The following NTNG1 variants were observed in gnomAD, a reference collection of about 807,000 sequenced individuals.
NTNG1 encodes netrin G1, also known as netrin-G1.
NTNG1 carries 16 observed loss-of-function variants against 54.0 expected under a neutral mutation model. That is an observed-to-expected ratio of 0.30 (90% CI 0.20 to 0.45). The LOEUF is 0.45. NTNG1 is among the 20% of genes least tolerant of loss of function. NTNG1 has a pLI of 1.00. For missense variants in NTNG1, 530 were observed against 678.7 expected, an observed-to-expected ratio of 0.78 and a Z score of 2.43; for synonymous variants, 255 against 263.1, an observed-to-expected ratio of 0.97 and a Z score of 0.30.
chr1:107,167,820 CT>C (rs997393658), intron 2 of NTNG1, among the ~76,000 whole-genome samples: 2 of 150,666 alleles, frequency 1.3e-5, no homozygotes, highest in Non-Finnish European at 3.0e-5. Context: ...TAAAGCCATT[CT>C]TTTTTTTTCA....
intron 2 of NTNG1, among the ~76,000 whole-genome samples, chr1:107,290,063 A>T (rs1009316569): frequency 1.4e-4 from 22 of 152,162 alleles, no homozygotes; most frequent in African/African-American, 5.1e-4. Context: ...TGCCATATGT[A>T]TTTAATTTTT....
intron 3 of NTNG1, among the ~76,000 whole-genome samples, chr1:107,376,148 C>A (rs529233595): frequency 2.6e-5 from 4 of 152,152 alleles, no homozygotes; most frequent in Non-Finnish European, 5.9e-5. Context: ...AGGCTGGGCG[C>A]GGTGGCTCAC....
chr1:107,438,722 A>T (rs1288260919), intron 7 of NTNG1, among the ~76,000 whole-genome samples: 1 of 152,158 alleles, frequency 6.6e-6, no homozygotes, highest in Non-Finnish European at 1.5e-5. Context: ...AAATAAGTCA[A>T]TCCTGCTTTG....
intron 2 of NTNG1, chr1:107,260,676 C>G (rs147668140): frequency 6.6e-6 from 1 of 152,178 alleles, no homozygotes; most frequent in African/African-American, 2.4e-5. Context: ...TTGACATTCT[C>G]CCATCTAGCT....
intron 5 of NTNG1, among the ~76,000 whole-genome samples, chr1:107,419,474 G>A (rs1213999762): frequency 6.6e-6 from 1 of 151,960 alleles, no homozygotes; most frequent in East Asian, 1.9e-4. Flanking sequence ...CAGGAAGAAA[G>A]AGAACTTTTA....
chr1:107,450,828 T>A (rs17019083), intron 7 of NTNG1, among the ~76,000 whole-genome samples: 1 of 151,914 alleles, frequency 6.6e-6, no homozygotes, highest in African/African-American at 2.4e-5. Flanking sequence ...TCCTAAATCC[T>A]GGAAATTACC....
At chr1:107,450,296 G>C (rs1209741426) in intron 7 of NTNG1, among the ~76,000 whole-genome samples, 1 of 152,084 alleles carries the variant, frequency 6.6e-6, no homozygotes, top group Non-Finnish European at 1.5e-5. Flanking sequence ...CAAATATTTA[G>C]TGTTGAAAAA....
chr1:107,292,265 C>T (rs1368626926), intron 2 of NTNG1, among the ~76,000 whole-genome samples: 2 of 152,110 alleles, frequency 1.3e-5, no homozygotes, highest in African/African-American at 4.8e-5. Flanking sequence ...TTCTCGCGTC[C>T]TCAGATGAAA....
At chr1:107,176,187 T>G (rs1160190487) in intron 2 of NTNG1, among the ~76,000 whole-genome samples, 2 of 152,152 alleles carry the variant, frequency 1.3e-5, no homozygotes. Flanking sequence ...AACACCATGG[T>G]AGGAGAGATT....
At chr1:107,234,654 A>G (rs999840317) in intron 2 of NTNG1, among the ~76,000 whole-genome samples, 1 of 152,216 alleles carries the variant, frequency 6.6e-6, no homozygotes, top group African/African-American at 2.4e-5. Flanking sequence ...AAAATTACAG[A>G]AGCAATATTT....
chr1:107,386,454 G>A (rs1009383899), intron 3 of NTNG1, among the ~76,000 whole-genome samples: 16 of 152,074 alleles, frequency 1.1e-4, no homozygotes, highest in African/African-American at 3.9e-4. Context: ...GATTACAGGC[G>A]TGTGCCACCA....
At chr1:107,458,411 T>A (rs1366043661) in intron 7 of NTNG1, among the ~76,000 whole-genome samples, 2 of 152,118 alleles carry the variant, frequency 1.3e-5, no homozygotes, top group Non-Finnish European at 2.9e-5. Context: ...ATAAATAAAC[T>A]GAGAGGCAAA....
At chr1:107,167,036 A>G (rs943667141) in intron 2 of NTNG1, among the ~76,000 whole-genome samples, 1 of 152,098 alleles carries the variant, frequency 6.6e-6, no homozygotes, top group African/African-American at 2.4e-5. Flanking sequence ...ACATTCTGTA[A>G]TCCCAGCCCA....
At chr1:107,406,089 TA>T (rs1190350865) in intron 4 of NTNG1, among the ~76,000 whole-genome samples, 7 of 152,160 alleles carry the variant, frequency 4.6e-5, no homozygotes, top group Non-Finnish European at 8.8e-5. Flanking sequence ...AAAATCAAGA[TA>T]TTTTTTGTGT....
At chr1:107,417,630 G>A (rs1275000599) in intron 5 of NTNG1, among the ~76,000 whole-genome samples, 1 of 152,060 alleles carries the variant, frequency 6.6e-6, no homozygotes, top group African/African-American at 2.4e-5. Flanking sequence ...AACACTGGAA[G>A]TAACAGGTTA....
chr1:107,238,405 T>A (rs2101567141), intron 2 of NTNG1, among the ~76,000 whole-genome samples: 1 of 152,308 alleles, frequency 6.6e-6, no homozygotes, highest in South Asian at 2.1e-4. Context: ...TGTGGACTTT[T>A]GAGTTAATGC....
At chr1:107,476,544 A>G (rs190932788) in intron 7 of NTNG1, among the ~76,000 whole-genome samples, 8 of 152,272 alleles carry the variant, frequency 5.3e-5, no homozygotes, top group East Asian at 3.9e-4. Context: ...TCTTTTCTCA[A>G]TAAATTTCTT....
chr1:107,151,318 T>G (rs911380772), intron 2 of NTNG1, among the ~76,000 whole-genome samples: 1 of 152,308 alleles, frequency 6.6e-6, no homozygotes, highest in South Asian at 2.1e-4. Context: ...GTTGGGAAAC[T>G]GTCTCAGGAT....
intron 2 of NTNG1, among the ~76,000 whole-genome samples, chr1:107,209,998 T>C (rs1659497700): frequency 6.6e-6 from 1 of 152,124 alleles, no homozygotes; most frequent in African/African-American, 2.4e-5. Flanking sequence ...TTAAATGTTC[T>C]CTAAAGGAGG....
Sources: allele counts gnomAD v4.1 joint callset (sites outside exome capture counted in the v4.1 genomes callset), GRCh38; gene constraint gnomAD v4.1.1; transcripts MANE v1.5; gene names NCBI Gene and HGNC (gene_info 2026-07-23, HGNC 2026-07-21).